ZBTB7B: variants seen among roughly 807,000 people sequenced by gnomAD.
The protein encoded by ZBTB7B is zinc finger and BTB domain containing 7B, also known as zinc finger and BTB domain-containing protein 7B.
A neutral mutation model predicts 31.0 loss-of-function variants in ZBTB7B; 8 were observed. The ratio of observed to expected loss-of-function variants is 0.26; its 90% CI spans 0.15 to 0.47. The LOEUF (loss-of-function observed/expected upper bound fraction) is 0.47, where lower values mean the gene tolerates loss of function less well. Ranked by LOEUF, ZBTB7B falls within the 20% of genes least tolerant of loss-of-function variation. The pLI is 0.99. For missense variants in ZBTB7B, 494 were observed against 742.4 expected (o/e 0.67, Z 3.89); for synonymous variants, 261 against 307.3 (o/e 0.85, Z 1.58).
chr1:155,011,181 C>T (rs922144427), intron 1 of ZBTB7B, among the ~76,000 whole-genome samples: 2 of 152,258 alleles, frequency 1.3e-5, no homozygotes, highest in Admixed American at 1.3e-4. Flanking sequence ...TACTCAGCTG[C>T]CCTGTTCAGG....
Position 155,015,632 on chromosome 1 carries a change from C to A in ZBTB7B, c.972C>A (p.Asp324Glu). Residue 324 changes from aspartate to glutamate, a missense_variant, in exon 2 of 3, where the codon GAC (aspartate) becomes GAA (glutamate). Coordinates refer to ENST00000535420, the MANE Select transcript of ZBTB7B (RefSeq NM_001256455.2). ...CCTACCTAAGCTCCCTGCACCAGGACAACCTGGCACCAGGCCTGGACAGCC... is the reference window on the plus strand; with the variant it reads ...CCTACCTAAGCTCCCTGCACCAGGAAAACCTGGCACCAGGCCTGGACAGCC... ...LMAYLSSLHQ[D>E]NLAPGLDSQD... 1 of 1,613,644 alleles carries A rather than the reference C, an allele frequency of 6.2e-7. No homozygotes were observed. Among genetic ancestry groups the A allele is most frequent in the South Asian group, 1.1e-5 (1 of 91,064 alleles).
At chr1:155,013,143 A>G (rs1053479374) in intron 1 of ZBTB7B, among the ~76,000 whole-genome samples, 4 of 152,208 alleles carry the variant, frequency 2.6e-5, no homozygotes, top group Non-Finnish European at 4.4e-5. Flanking sequence ...ACTGCATATC[A>G]GGCATTGTGC....
rs1215383590 is a variant in ZBTB7B at position 155,015,180 on chromosome 1, G to C, written c.520G>C (p.Val174Leu). 2.5e-6 allele frequency: 4 copies of C among 1,613,642 alleles called. No individual in the cohort carries two copies. The highest frequency in any genetic ancestry group is 3.4e-6 in the Non-Finnish European group (4 of 1,180,026). Reference sequence around the variant, plus strand: ...CTTTGCCACAGCCACGGCCTCTGGAGTTCCCAATGGTGAAGACAGTCCTCC... The same window carrying C: ...CTTTGCCACAGCCACGGCCTCTGGACTTCCCAATGGTGAAGACAGTCCTCC... ...EAFATATASG[V>L]PNGEDSPPQV... Residue 174 changes from valine (V) to leucine (L), a missense_variant, in exon 2 of 3, where the codon GTT becomes CTT. Val to Leu is a conservative substitution (Grantham distance 32, BLOSUM62 1). Coordinates refer to ENST00000535420, the MANE Select transcript of ZBTB7B (RefSeq NM_001256455.2).
Position 155,016,832 on chromosome 1 carries a change from C to A in ZBTB7B, c.*147C>A. The stretch of plus-strand genomic sequence containing the variant: ...GCCCTTCCTCCCAGAGCCCTCATTC[C>A]AATTCCAAGCTAAGAAGGTATTGGG... On this transcript the variant is annotated 3_prime_UTR_variant, in exon 3 of 3. Transcript: ENST00000535420. The surrounding 1 kb of genome is among the most constrained non-coding windows in gnomAD (Gnocchi z 4.3). 1.7e-6 allele frequency: 1 copy of A among 596,678 alleles called. No homozygotes were observed. Among genetic ancestry groups the A allele is most frequent in the Non-Finnish European group, 3.0e-6 (1 of 337,794 alleles). The allele number at this position is 596,678 out of a possible 1,614,324, so 37.0% of individuals were successfully genotyped here.
chr1:155,014,856 G>C lies in ZBTB7B; in HGVS notation c.196G>C (p.Gly66Arg). Residue 66 changes from glycine (G) to arginine (R), a missense_variant, in exon 2 of 3, where the codon GGC becomes CGC. Gly to Arg is a moderately radical substitution (Grantham distance 125, BLOSUM62 -2). Coordinates refer to ENST00000535420, the MANE Select transcript of ZBTB7B (RefSeq NM_001256455.2). ...SHYFKKLFTE[G>R]GGGAVMGAGG... ...CTACTTCAAGAAGCTTTTCACTGAG[G>C]GCGGTGGCGGAGCTGTCATGGGGGC... 6.2e-7 allele frequency: 1 copy of C among 1,614,200 alleles called. No individual in the cohort carries two copies. The highest frequency in any genetic ancestry group is 8.5e-7 in the Non-Finnish European group (1 of 1,180,026).
At chr1:155,010,822 G>A (rs1428232402) in intron 1 of ZBTB7B, 20 of 1,052,540 alleles carry the variant, frequency 1.9e-5, no homozygotes, top group Non-Finnish European at 2.7e-5. Context: ...GGGGGGTGGA[G>A]GGAGAAAGGA....
chr1:155,002,368 G>A (rs1205046134), upstream of ZBTB7B, among the ~76,000 whole-genome samples: 1 of 148,992 alleles, frequency 6.7e-6, no homozygotes, highest in Admixed American at 6.7e-5. Flanking sequence ...GGTGAAGGGA[G>A]ACAGAGAGAA....
Position 155,004,786 on chromosome 1 carries a change from G to A in ZBTB7B, c.-7+1843G>A, listed in dbSNP as rs114790802. Among the ~76,000 whole-genome samples the A allele has an allele frequency of 7.4e-3, 1,123 of 151,328 alleles. 8 individuals are homozygous for A. The highest frequency in any genetic ancestry group is 0.026 in the African/African-American group (1,064 of 41,156). ...CTCCCCCAGCGTGCCTCTGTTACAT[G>A]GTTGCTGTGGGCACAACACAACCTG... is the stretch of plus-strand genomic sequence containing the variant. On this transcript the variant is annotated intron_variant, in intron 1 of 2. Transcript: ENST00000535420. The surrounding 1 kb of genome is among the most constrained non-coding windows in gnomAD (Gnocchi z 4.0).
chr1:155,009,089 G>A (rs1279435101), intron 1 of ZBTB7B, among the ~76,000 whole-genome samples: 1 of 152,240 alleles, frequency 6.6e-6, no homozygotes, highest in East Asian at 1.9e-4. Context: ...CAGGAAGAGG[G>A]TGCCCAGACT....
chr1:155,010,544 GC>G, intron 1 of ZBTB7B: 1 of 207,380 alleles, frequency 4.8e-6, no homozygotes, highest in Non-Finnish European at 1.0e-5. Context: ...CTTCTTTGAA[GC>G]CCTTCTAGTC....
At position 155,015,707 on chromosome 1, in the gene ZBTB7B, T is replaced by A. The variant is rs1432374956; in HGVS notation, c.1047T>A (p.Pro349=). The part of the protein sequence containing the change: ...KRRSQMPQEC[P]VCHKIIHGAG... ...GCTCCCAGATGCCTCAGGAGTGCCC[T>A]GTCTGCCACAAGATCATCCATGGGG... Residue 349 remains proline, a synonymous_variant, in exon 2 of 3, where the codon CCT becomes CCA. Coordinates refer to ENST00000535420, the MANE Select transcript of ZBTB7B (RefSeq NM_001256455.2). The A allele has an allele frequency of 1.2e-6, 2 of 1,612,494 alleles. No individual in the cohort carries two copies. Among genetic ancestry groups the A allele is most frequent in the African/African-American group, 2.7e-5 (2 of 74,874 alleles).
rs200251994 is a variant in ZBTB7B at position 155,015,671 on chromosome 1, G to A, written c.1011G>A (p.Val337=). Residue 337 remains valine (V), a synonymous_variant, in exon 2 of 3, where the codon GTG becomes GTA. Transcript: ENST00000535420. ...APGLDSQDKL[V]RKRRSQMPQE... The stretch of plus-strand genomic sequence containing the variant: ...GCCTGGACAGCCAAGACAAGCTGGT[G>A]CGCAAACGCCGCTCCCAGATGCCTC... The A allele has an allele frequency of 8.4e-5, 135 of 1,613,182 alleles. No homozygotes were observed. The highest frequency in any genetic ancestry group is 5.7e-4 in the Middle Eastern group (3 of 5,266).
chr1:155,003,700 C>G lies in ZBTB7B; in HGVS notation c.-7+757C>G, dbSNP rs955094131. ...TTCTCCTACCTACTACCCGTCCCCC[C>G]ACCGGCGCCGGCGCACCTGCCCCAG... On this transcript the variant is annotated intron_variant, in intron 1 of 2. Transcript: ENST00000535420. The surrounding 1 kb of genome is among the most constrained non-coding windows in gnomAD (Gnocchi z 5.8). Among the ~76,000 whole-genome samples, 2 of 152,256 alleles carry G rather than the reference C, an allele frequency of 1.3e-5. No individual in the cohort carries two copies. The highest frequency in any genetic ancestry group is 2.9e-5 in the Non-Finnish European group (2 of 68,042).
At chr1:155,014,386 A>G in intron 1 of ZBTB7B, 1 of 478,234 alleles carries the variant, frequency 2.1e-6, no homozygotes, top group East Asian at 3.6e-5. Flanking sequence ...GTGGTTAGGA[A>G]CAAGGACCGG....
At chr1:155,012,193 C>T (rs1435480343) in intron 1 of ZBTB7B, among the ~76,000 whole-genome samples, 1 of 152,096 alleles carries the variant, frequency 6.6e-6, no homozygotes, top group Non-Finnish European at 1.5e-5. Context: ...GCGCCCCCAC[C>T]ACACCAAGTT....
At position 155,004,264 on chromosome 1, in the gene ZBTB7B, G is replaced by T. The variant is rs1658426672; in HGVS notation, c.-7+1321G>T. 6.6e-6 allele frequency among the ~76,000 whole-genome samples: 1 copy of T among 152,188 alleles called. No individual in the cohort carries two copies. The highest frequency in any genetic ancestry group is 1.5e-5 in the Non-Finnish European group (1 of 68,038). Reference sequence around the variant, plus strand: ...TTCTTGAATTGACCCCCGCCCGAATGCCTTGGAGACCCCTAGCTGCAGCCG... The same window carrying T: ...TTCTTGAATTGACCCCCGCCCGAATTCCTTGGAGACCCCTAGCTGCAGCCG... On this transcript the variant is annotated intron_variant, in intron 1 of 2. Transcript: ENST00000535420. This position sits in a 1 kb window ranked among gnomAD's most constrained non-coding sequence, Gnocchi z 4.0.
Position 155,018,476 on chromosome 1 carries a change from C to T in ZBTB7B, c.*1791C>T. 1 of 1,476,918 alleles carries T rather than the reference C, an allele frequency of 6.8e-7. No homozygotes were observed. The highest frequency in any genetic ancestry group is 9.2e-7 in the Non-Finnish European group (1 of 1,087,378). 91.5% of individuals were successfully genotyped at this position (1,476,918 alleles called of 1,614,324 possible). On this transcript the variant is annotated 3_prime_UTR_variant, in exon 3 of 3. Transcript: ENST00000535420. ...TCCCTTCCCCCCACCCCAACTCCCCCACCTCGGGTGTAAGCGACAGGAAGA... is the reference window on the plus strand; with the variant it reads ...TCCCTTCCCCCCACCCCAACTCCCCTACCTCGGGTGTAAGCGACAGGAAGA...
upstream of ZBTB7B, among the ~76,000 whole-genome samples, chr1:155,002,413 G>C (rs1225948830): frequency 6.7e-6 from 1 of 148,950 alleles, no homozygotes; most frequent in African/African-American, 2.5e-5. Flanking sequence ...GGTGGGAAAG[G>C]CTAGGAGAGC....
rs1372137634 is a variant in ZBTB7B at position 155,017,578 on chromosome 1, A to C, written c.*893A>C. The C allele has an allele frequency of 2.6e-5, 4 of 154,286 alleles. No homozygotes were observed. The highest frequency in any genetic ancestry group is 5.7e-5 in the Non-Finnish European group (4 of 69,660). The allele number at this position is 154,286 out of a possible 1,614,324, so 9.6% of individuals were successfully genotyped here. A position where few individuals can be genotyped will look rare whatever the true frequency, so the allele number is the denominator to read the frequency against. Reference sequence around the variant, plus strand: ...CCGCCACCGCTGCCGCCCCTGACTCACGCCGCCCCCGGGCTGGCGCAGCGA... The same window carrying C: ...CCGCCACCGCTGCCGCCCCTGACTCCCGCCGCCCCCGGGCTGGCGCAGCGA... On this transcript the variant is annotated 3_prime_UTR_variant, in exon 3 of 3. Transcript: ENST00000535420.
Sources: allele counts gnomAD v4.1 joint callset (sites outside exome capture counted in the v4.1 genomes callset), GRCh38; gene constraint gnomAD v4.1.1; non-coding constraint Gnocchi (gnomAD v3.1); transcripts MANE v1.5; gene names NCBI Gene and HGNC (gene_info 2026-07-23, HGNC 2026-07-21).